The following MAPRE3 variants were observed in gnomAD, a reference collection of about 807,000 sequenced individuals.
MAPRE3 encodes microtubule-associated protein RP/EB family member 3.
MAPRE3 carries 2 observed loss-of-function variants against 30.5 expected under a neutral mutation model. The observed-to-expected ratio is 0.07, with a 90% CI of 0.03 to 0.21. MAPRE3 has a LOEUF of 0.21. Ranked by LOEUF, MAPRE3 falls within the 10% of genes least tolerant of loss-of-function variation. MAPRE3 has a pLI of 1.00. For missense variants in MAPRE3, 204 were observed against 351.8 expected, an observed-to-expected ratio of 0.58 and a Z score of 3.36; for synonymous variants, 110 against 127.7, an observed-to-expected ratio of 0.86 and a Z score of 0.93.
intron 1 of MAPRE3, among the ~76,000 whole-genome samples, chr2:26,989,039 C>G (rs1214754688): frequency 3.3e-5 from 5 of 152,130 alleles, no homozygotes; most frequent in Admixed American, 2.0e-4. Context: ...TTCTTGCTGC[C>G]CGACAGGTAG....
intron 1 of MAPRE3, among the ~76,000 whole-genome samples, chr2:27,000,100 G>C (rs1192617030): frequency 6.6e-6 from 1 of 152,124 alleles, no homozygotes; most frequent in African/African-American, 2.4e-5. Flanking sequence ...TTTTTAAGAT[G>C]CTAATAACAA....
chr2:26,991,972 C>A (rs1430815219), intron 1 of MAPRE3, among the ~76,000 whole-genome samples: 1 of 152,288 alleles, frequency 6.6e-6, no homozygotes, highest in Admixed American at 6.5e-5. Flanking sequence ...CTTTCACCAC[C>A]ACCACCACAC....
chr2:27,006,205 CA>C (rs534627886), intron 1 of MAPRE3, among the ~76,000 whole-genome samples: 4 of 148,680 alleles, frequency 2.7e-5, no homozygotes, highest in East Asian at 2.0e-4. Flanking sequence ...AAAACAAAAA[CA>C]AAAAAAAAAC....
intron 1 of MAPRE3, among the ~76,000 whole-genome samples, chr2:26,993,096 G>A (rs571834715): frequency 2.6e-5 from 4 of 152,268 alleles, no homozygotes; most frequent in South Asian, 2.1e-4. Context: ...TTAGCCAGGC[G>A]CAGTGGCTCA....
At position 27,026,403 on chromosome 2, in the gene MAPRE3, C is replaced by T; in HGVS notation, c.*55C>T. On this transcript the variant is annotated 3_prime_UTR_variant, in exon 7 of 7. Coordinates refer to ENST00000233121, the MANE Select transcript of MAPRE3 (RefSeq NM_012326.4). ...GCTTCCCCGTGCCTCCCTCCCTGCTCCACTCCCACATTATAGTCCTTTCCT... is the reference window on the plus strand; with the variant it reads ...GCTTCCCCGTGCCTCCCTCCCTGCTTCACTCCCACATTATAGTCCTTTCCT... 2 of 1,417,068 alleles carry T rather than the reference C, an allele frequency of 1.4e-6. No homozygotes were observed. Among genetic ancestry groups the T allele is most frequent in the Non-Finnish European group, 2.0e-6 (2 of 1,011,586 alleles). 87.8% of individuals were successfully genotyped at this position (1,417,068 alleles called of 1,614,324 possible).
Position 27,024,188 on chromosome 2 carries a change from T to C in MAPRE3, c.360T>C (p.Asp120=), listed in dbSNP as rs1667178900. Residue 120 remains aspartate (D), a synonymous_variant, in exon 4 of 7, where the codon GAT becomes GAC. Transcript: ENST00000233121. Reference sequence around the variant, plus strand: ...AGAAATTCTTTGACGCAAACTATGATGGAAAGGATTACAACCCTCTGCTGG... The same window carrying C: ...AGAAATTCTTTGACGCAAACTATGACGGAAAGGATTACAACCCTCTGCTGG... ...WFKKFFDANY[D]GKDYNPLLAR... is the part of the protein sequence containing the mutation. The C allele has an allele frequency of 6.2e-7, 1 of 1,614,208 alleles. No homozygotes were observed. Among genetic ancestry groups the C allele is most frequent in the Non-Finnish European group, 8.5e-7 (1 of 1,180,004 alleles).
chr2:26,978,596 A>G (rs1332866266), intron 1 of MAPRE3, among the ~76,000 whole-genome samples: 1 of 152,250 alleles, frequency 6.6e-6, no homozygotes, highest in African/African-American at 2.4e-5. Flanking sequence ...CTAAGTACAG[A>G]GATGTGTTAT....
At chr2:26,972,657 C>T (rs902421681) in intron 1 of MAPRE3, among the ~76,000 whole-genome samples, 1 of 152,190 alleles carries the variant, frequency 6.6e-6, no homozygotes, top group African/African-American at 2.4e-5. Context: ...AGAGCTGCTC[C>T]TCCTGGGCTG....
intron 1 of MAPRE3, among the ~76,000 whole-genome samples, chr2:27,020,596 A>G (rs1667089114): frequency 1.3e-5 from 2 of 152,230 alleles, no homozygotes; most frequent in Non-Finnish European, 2.9e-5. Flanking sequence ...GTGCGGGAGC[A>G]TAGGGTCAGA....
At chr2:27,023,836 C>T (rs1667167235) in intron 3 of MAPRE3, 3 of 514,216 alleles carry the variant, frequency 5.8e-6, no homozygotes, top group African/African-American at 1.9e-5. Context: ...CCAGCCCACA[C>T]GCAGGCAGTA....
rs1463565414 is a variant in MAPRE3 at position 26,973,373 on chromosome 2, T to A, written c.-8+2571T>A. Reference sequence around the variant, plus strand: ...GTATTTGTAAGATGACTGGCTGGAGTTAGGCATAGTAGGAGGCTATTGAAC... The same window carrying A: ...GTATTTGTAAGATGACTGGCTGGAGATAGGCATAGTAGGAGGCTATTGAAC... On this transcript the variant is annotated intron_variant, in intron 1 of 6. Transcript: ENST00000233121. 3.9e-5 allele frequency among the ~76,000 whole-genome samples: 6 copies of A among 152,000 alleles called. No homozygotes were observed. The East Asian group carries it at 1.2e-3, about 29-fold the overall frequency.
At chr2:27,021,282 G>C (rs1295209856) in intron 1 of MAPRE3, among the ~76,000 whole-genome samples, 1 of 152,164 alleles carries the variant, frequency 6.6e-6, no homozygotes, top group Non-Finnish European at 1.5e-5. Flanking sequence ...AAGCAGAAAA[G>C]GGCGAATTGA....
intron 3 of MAPRE3, 93 bp from the exon 4 acceptor site, chr2:27,024,003 G>A (rs1305472947): frequency 5.2e-6 from 5 of 964,992 alleles, no homozygotes; most frequent in Non-Finnish European, 8.1e-6. Flanking sequence ...CAGCCCAGGG[G>A]CTGGCTTTCC....
intron 1 of MAPRE3, among the ~76,000 whole-genome samples, chr2:26,973,489 T>C: frequency 6.6e-6 from 1 of 152,040 alleles, no homozygotes; most frequent in Admixed American, 6.5e-5. Context: ...AAACGTCTTA[T>C]GAGCTATTCC....
At chr2:26,989,012 T>A (rs898040435) in intron 1 of MAPRE3, among the ~76,000 whole-genome samples, 3 of 152,092 alleles carry the variant, frequency 2.0e-5, no homozygotes, top group Non-Finnish European at 4.4e-5. Flanking sequence ...TGTGGTGAAG[T>A]CCCAGTTTAT....
intron 1 of MAPRE3, among the ~76,000 whole-genome samples, chr2:27,006,310 T>C (rs1177482653): frequency 6.6e-6 from 1 of 152,260 alleles, no homozygotes; most frequent in Non-Finnish European, 1.5e-5. Flanking sequence ...TATTGATGTC[T>C]GATAATTCCC....
intron 1 of MAPRE3, among the ~76,000 whole-genome samples, chr2:26,977,710 G>C (rs1185979502): frequency 3.3e-5 from 5 of 152,204 alleles, no homozygotes; most frequent in Non-Finnish European, 7.3e-5. Context: ...CACTCCCCCT[G>C]TGCCACACCA....
At chr2:26,988,100 G>C (rs1419957855) in intron 1 of MAPRE3, among the ~76,000 whole-genome samples, 1 of 152,252 alleles carries the variant, frequency 6.6e-6, no homozygotes, top group African/African-American at 2.4e-5. Flanking sequence ...GGGCCTGCTG[G>C]AGGCCAGGTT....
chr2:26,987,600 T>G (rs1666251309), intron 1 of MAPRE3, among the ~76,000 whole-genome samples: 1 of 152,112 alleles, frequency 6.6e-6, no homozygotes, highest in Non-Finnish European at 1.5e-5. Context: ...ATCGCGCCAT[T>G]GCACTCCAGC....
Sources: allele counts gnomAD v4.1 joint callset (sites outside exome capture counted in the v4.1 genomes callset), GRCh38; gene constraint gnomAD v4.1.1; transcripts MANE v1.5; gene names NCBI Gene and HGNC (gene_info 2026-07-23, HGNC 2026-07-21).